Variants in FOCAD observed in about 807,000 individuals in gnomAD.
FOCAD encodes focadhesin.
In FOCAD, 198 loss-of-function variants were observed where a neutral mutation model predicts 225.6. That is an observed-to-expected ratio of 0.88 (90% CI 0.78 to 0.99). The LOEUF (loss-of-function observed/expected upper bound fraction) is 0.99, where lower values mean the gene tolerates loss of function less well. Ranked by LOEUF, FOCAD falls within the 50% of genes least tolerant of loss-of-function variation. The probability of loss-of-function intolerance (pLI) is 0.00; values close to 1 mark genes in which losing one functional copy is unlikely to be tolerated. For missense variants in FOCAD, 2,713 were observed against 2,123.6 expected, an observed-to-expected ratio of 1.28 and a Z score of -5.46; for synonymous variants, 897 against 755.0, an observed-to-expected ratio of 1.19 and a Z score of -3.08.
chr9:20,849,506 T>TA (rs1004457082), intron 15 of FOCAD, among the ~76,000 whole-genome samples: 15 of 152,126 alleles, frequency 9.9e-5, no homozygotes, highest in Admixed American at 7.9e-4. Context: ...ATAGCTCACT[T>TA]ACACTTGTGG....
At chr9:20,708,259 G>A (rs4977793) in intron 1 of FOCAD, among the ~76,000 whole-genome samples, 1 of 152,176 alleles carries the variant, frequency 6.6e-6, no homozygotes, top group Admixed American at 6.5e-5. Flanking sequence ...TATGGTTTTA[G>A]GCTGATGGTT....
intron 9 of FOCAD, 145 bp from the exon 10 acceptor site, chr9:20,781,582 G>T: frequency 1.6e-6 from 1 of 624,898 alleles, no homozygotes; most frequent in South Asian, 2.0e-5. Context: ...TTCCTTTTAG[G>T]ATAAGATTTA....
chr9:20,769,558 A>G (rs1817974624), intron 7 of FOCAD, among the ~76,000 whole-genome samples: 1 of 152,210 alleles, frequency 6.6e-6, no homozygotes, highest in South Asian at 2.1e-4. Flanking sequence ...CCAAGTGTGG[A>G]GATGATACTC....
chr9:20,673,958 T>C (rs1167886396), intron 2 of FOCAD, among the ~76,000 whole-genome samples: 1 of 152,242 alleles, frequency 6.6e-6, no homozygotes, highest in Non-Finnish European at 1.5e-5. Context: ...TCTTAATTAG[T>C]TGAAAATTTG....
At position 20,740,912 on chromosome 9, in the gene FOCAD, G is replaced by T. The variant is rs529238442; in HGVS notation, c.392+572G>T. On this transcript the variant is annotated intron_variant, in intron 5 of 43. Coordinates refer to ENST00000338382, the MANE Select transcript of FOCAD (RefSeq NM_001375567.1). ...TCTGGGGGAGTTGTGGTCAAGGGAG[G>T]GAATCATACTTCCTTGTGAAGGTGA... 1.9e-4 allele frequency among the ~76,000 whole-genome samples: 29 copies of T among 152,230 alleles called. 1 individual carries two copies. The South Asian group carries it at 5.6e-3, about 29-fold the overall frequency.
intron 1 of FOCAD, among the ~76,000 whole-genome samples, chr9:20,697,276 A>G (rs891734732): frequency 6.6e-6 from 1 of 151,870 alleles, no homozygotes; most frequent in African/African-American, 2.4e-5. Context: ...CTTTTTTTCT[A>G]TCCTTGCCCT....
chr9:20,690,292 C>G (rs1238441929), intron 1 of FOCAD, among the ~76,000 whole-genome samples: 3 of 152,188 alleles, frequency 2.0e-5, no homozygotes, highest in African/African-American at 7.2e-5. Flanking sequence ...TGCATTTCCC[C>G]TAATTACTGG....
intron 15 of FOCAD, among the ~76,000 whole-genome samples, chr9:20,831,926 G>A (rs977716183): frequency 6.6e-6 from 1 of 151,950 alleles, no homozygotes; most frequent in African/African-American, 2.4e-5. Flanking sequence ...ACCTATTCTG[G>A]ACACTTCATA....
intron 24 of FOCAD, among the ~76,000 whole-genome samples, chr9:20,918,408 C>T (rs1040680920): frequency 6.6e-6 from 1 of 152,192 alleles, no homozygotes; most frequent in Non-Finnish European, 1.5e-5. Flanking sequence ...TTCATGTTCT[C>T]ATGGTATTAC....
At chr9:20,758,256 C>G (rs1019953422) in intron 6 of FOCAD, 65 bp downstream of exon 6, 14 of 1,170,422 alleles carry the variant, frequency 1.2e-5, no homozygotes, top group Admixed American at 5.6e-5. Flanking sequence ...AATTTTAGAG[C>G]TAGGGTTTTT....
At chr9:20,954,699 A>G (rs149369744) in intron 35 of FOCAD, among the ~76,000 whole-genome samples, 2 of 152,346 alleles carry the variant, frequency 1.3e-5, no homozygotes, top group East Asian at 3.9e-4. Flanking sequence ...CTGTTTTAAA[A>G]CAAATAAATG....
At chr9:20,983,541 C>T (rs1840898261) in intron 39 of FOCAD, among the ~76,000 whole-genome samples, 1 of 145,910 alleles carries the variant, frequency 6.9e-6, no homozygotes, top group African/African-American at 2.6e-5. Flanking sequence ...CACTGTACTC[C>T]AGCCTGGTGA....
At chr9:20,940,540 C>A (rs1836544003) in intron 28 of FOCAD, among the ~76,000 whole-genome samples, 1 of 152,268 alleles carries the variant, frequency 6.6e-6, no homozygotes, top group Admixed American at 6.5e-5. Flanking sequence ...CCAACCCTGG[C>A]CTCCCAAAGT....
At chr9:20,758,262 T>G (rs912204411) in intron 6 of FOCAD, 71 bp downstream of exon 6, 15 of 991,922 alleles carry the variant, frequency 1.5e-5, no homozygotes, top group East Asian at 8.6e-5. Context: ...AGAGCTAGGG[T>G]TTTTTTTTGT....
intron 15 of FOCAD, among the ~76,000 whole-genome samples, chr9:20,845,192 A>G (rs1436875561): frequency 1.3e-5 from 2 of 152,050 alleles, no homozygotes; most frequent in African/African-American, 4.8e-5. Flanking sequence ...TTTTTAAAGT[A>G]TTTTTAATGC....
chr9:20,966,720 T>G (rs1197639017), intron 35 of FOCAD, among the ~76,000 whole-genome samples: 1 of 152,104 alleles, frequency 6.6e-6, no homozygotes, highest in Non-Finnish European at 1.5e-5. Context: ...CTAGCTTCAT[T>G]CTTTTGCATG....
chr9:20,726,538 A>G (rs1287080628), intron 4 of FOCAD: 1 of 152,160 alleles, frequency 6.6e-6, no homozygotes, highest in African/African-American at 2.4e-5. Context: ...GGGAATATAA[A>G]GTGTATTAAA....
chr9:20,907,994 C>T lies in FOCAD; in HGVS notation c.2718+752C>T, dbSNP rs147189386. Among the ~76,000 whole-genome samples, 22 of 152,110 alleles carry T rather than the reference C, an allele frequency of 1.4e-4. No homozygotes were observed. The East Asian group carries it at 3.5e-3, about 24-fold the overall frequency. On this transcript the variant is annotated intron_variant, in intron 22 of 43. Transcript: ENST00000338382. ...TCTGGCCCTGACATAAGTGTCTAAA[C>T]GTACTAGGTGCTCACTAAATGAATG...
At chr9:20,975,881 G>C (rs1035827091) in intron 35 of FOCAD, among the ~76,000 whole-genome samples, 2 of 152,174 alleles carry the variant, frequency 1.3e-5, no homozygotes, top group Admixed American at 6.6e-5. Context: ...AGAGAGTATA[G>C]AATAGTGGTT....
Sources: allele counts gnomAD v4.1 joint callset (sites outside exome capture counted in the v4.1 genomes callset), GRCh38; gene constraint gnomAD v4.1.1; transcripts MANE v1.5; gene names NCBI Gene and HGNC (gene_info 2026-07-23, HGNC 2026-07-21).